CA9: variants seen among roughly 807,000 people sequenced by gnomAD.
CA9 encodes the protein CA-IX.
CA9 carries 43 observed loss-of-function variants against 51.8 expected under a neutral mutation model. The ratio of observed to expected loss-of-function variants is 0.83; its 90% CI spans 0.65 to 1.07. CA9 has a LOEUF of 1.07. Among genes scored for constraint, CA9 ranks in the 50% least tolerant of loss-of-function variants. CA9 has a pLI of 0.00. For missense variants in CA9, 574 were observed against 581.4 expected, an observed-to-expected ratio of 0.99 and a Z score of 0.13; for synonymous variants, 253 against 244.2, an observed-to-expected ratio of 1.04 and a Z score of -0.34.
In CA9 at chr9:35,678,946, C is replaced by T. The variant is rs139607180; in HGVS notation, c.908-239C>T. 1.6e-3 allele frequency among the ~76,000 whole-genome samples: 249 copies of T among 152,230 alleles called. 2 individuals carry two copies. Among genetic ancestry groups the T allele is most frequent in the African/African-American group, 5.7e-3 (236 of 41,542 alleles). ...CTCTTCCTTCCTCCCTTCCCTCCCA[C>T]CTTCCCTTCTCTCCTTCCTTTCTTT... On this transcript the variant is annotated intron_variant, in intron 6 of 10. Transcript: ENST00000378357.
intron 9 of CA9, 37 bp downstream of exon 9, chr9:35,680,176 G>A: frequency 6.2e-7 from 1 of 1,613,782 alleles, no homozygotes; most frequent in African/African-American, 1.3e-5. Flanking sequence ...GATGCCAGGA[G>A]ACTCCTCAGC....
intron 10 of CA9, 44 bp from the exon 11 acceptor site, chr9:35,680,921 C>T (rs762139084): frequency 6.2e-7 from 1 of 1,612,398 alleles, no homozygotes; most frequent in South Asian, 1.1e-5. Context: ...TGAGCTGCTC[C>T]TGGGCCAGTT....
chr9:35,676,286 G>A lies in CA9; in HGVS notation c.748-11G>A, dbSNP rs377518301. The A allele has an allele frequency of 5.0e-6, 8 of 1,613,946 alleles. No individual in the cohort carries two copies. Among genetic ancestry groups the A allele is most frequent in the Admixed American group, 1.7e-5 (1 of 60,002 alleles). ...AGACGTGGCCCTCTCCTACCCTCGT[G>A]TCCTTTTCAGATCCACGTGGTTCAC... On this transcript the variant is annotated splice_polypyrimidine_tract_variant and intron_variant, in intron 4 of 10. Transcript: ENST00000378357.
intron 5 of CA9, 60 bp from the exon 6 acceptor site, chr9:35,677,730 C>A: frequency 7.4e-7 from 1 of 1,357,786 alleles, no homozygotes; most frequent in Non-Finnish European, 1.1e-6. Context: ...CTTCATGTTC[C>A]GGCCTTCAGC....
chr9:35,675,658 T>TGGCCCCC, intron 2 of CA9, 91 bp downstream of exon 2: 3 of 1,407,082 alleles, frequency 2.1e-6, no homozygotes, highest in Non-Finnish European at 3.0e-6. Flanking sequence ...GTCCCGGGCG[T>TGGCCCCC]CCCACCCGCC....
At chr9:35,679,108 TG>T (rs1824480357) in intron 6 of CA9, 76 bp from the exon 7 acceptor site, 3 of 1,518,698 alleles carry the variant, frequency 2.0e-6, no homozygotes, top group South Asian at 2.3e-5. Flanking sequence ...TTCTGGGAGG[TG>T]AAACTGTATC....
rs138926737 is a variant in CA9 at position 35,675,437 on chromosome 9, G to A, written c.404-101G>A. On this transcript the variant is annotated intron_variant, in intron 1 of 10. Coordinates refer to ENST00000378357, the MANE Select transcript of CA9 (RefSeq NM_001216.3). ...GGCCCGCTTAAGGCATTTGTTACCC[G>A]TAATGCTCCTGTAAGGCATCTGCGT... 3.0e-6 allele frequency: 4 copies of A among 1,344,462 alleles called. No individual in the cohort carries two copies. In the Admixed American group the frequency reaches 5.1e-5, roughly 17 times the overall value. 83.3% of individuals were successfully genotyped at this position (1,344,462 alleles called of 1,614,324 possible).
chr9:35,681,121 C>G lies in CA9; in HGVS notation c.*96C>G. 1 of 853,582 alleles carries G rather than the reference C, an allele frequency of 1.2e-6. No homozygotes were observed. The highest frequency in any genetic ancestry group is 1.7e-6 in the Non-Finnish European group (1 of 573,748). The allele number at this position is 853,582 out of a possible 1,614,324, so 52.9% of individuals were successfully genotyped here. ...TGCTCATTATGCCACTTCCTTTTAACTGCCAAGAAATTTTTTAAAATAAAT... is the reference window on the plus strand; with the variant it reads ...TGCTCATTATGCCACTTCCTTTTAAGTGCCAAGAAATTTTTTAAAATAAAT... On this transcript the variant is annotated 3_prime_UTR_variant, in exon 11 of 11. Transcript: ENST00000378357.
At chr9:35,675,713 G>A in intron 2 of CA9, 48 bp from the exon 3 acceptor site, 5 of 1,309,108 alleles carry the variant, frequency 3.8e-6, no homozygotes, top group Non-Finnish European at 5.1e-6. Flanking sequence ...GGTTCCCTAA[G>A]TTCCTGACCT....
At position 35,676,189 on chromosome 9, in the gene CA9, C is replaced by T; in HGVS notation, c.730C>T (p.His244Tyr). 1 of 1,611,832 alleles carries T rather than the reference C, an allele frequency of 6.2e-7. No homozygotes were observed. Residue 244 changes from histidine (H) to tyrosine (Y), a missense_variant, in exon 4 of 11, where the codon CAC (histidine) becomes TAC (tyrosine). His to Tyr is a moderately conservative substitution (Grantham distance 83). Coordinates refer to ENST00000378357, the MANE Select transcript of CA9 (RefSeq NM_001216.3). ...GGGCTCGGAGCACACTGTGGAAGGC[C>T]ACCGTTTCCCTGCCGAGGTGAGCGC... ...RPGSEHTVEGHRFPAEIHVVH... is the reference protein window; with the variant it reads ...RPGSEHTVEGYRFPAEIHVVH...
At chr9:35,679,140 G>A (rs1340075796) in intron 6 of CA9, 45 bp from the exon 7 acceptor site, 10 of 1,607,342 alleles carry the variant, frequency 6.2e-6, no homozygotes, top group Non-Finnish European at 6.8e-6. Flanking sequence ...GAAGCTTTAA[G>A]GGGGTGCAAT....
rs1423428636 is a variant in CA9, at chr9:35,676,149, G to A, written c.690G>A (p.Gly230=). 3 of 1,613,092 alleles carry A rather than the reference G, an allele frequency of 1.9e-6. No homozygotes were observed. The highest frequency in any genetic ancestry group is 1.6e-4 in the Middle Eastern group (1 of 6,072). ...CTCTGCAGCTGCATCTGCACTGGGG[G>A]GCTGCAGGTCGTCCGGGCTCGGAGC... ...YRALQLHLHW[G]AAGRPGSEHT... The change falls in exon 4 of 11, where the codon GGG becomes GGA. Residue 230 remains glycine, a synonymous_variant. Coordinates refer to ENST00000378357, the MANE Select transcript of CA9 (RefSeq NM_001216.3).
chr9:35,681,157 A>T lies in CA9; in HGVS notation c.*132A>T, dbSNP rs1387151015. On this transcript the variant is annotated 3_prime_UTR_variant, in exon 11 of 11. Transcript: ENST00000378357. ...TTTTTTAAAATAAATATTTATAATAAAATATGTGTTAGTCACCTTTGTTCC... is the reference window on the plus strand; with the variant it reads ...TTTTTTAAAATAAATATTTATAATATAATATGTGTTAGTCACCTTTGTTCC... 9.3e-6 allele frequency: 5 copies of T among 537,828 alleles called. No individual in the cohort carries two copies. The highest frequency in any genetic ancestry group is 1.6e-5 in the Non-Finnish European group (5 of 322,364). 33.3% of individuals were successfully genotyped at this position (537,828 alleles called of 1,614,324 possible).
chr9:35,677,675 A>G (rs573442405), intron 5 of CA9, 115 bp from the exon 6 acceptor site: 225 of 778,966 alleles, frequency 2.9e-4, no homozygotes, highest in Middle Eastern at 5.5e-4. Flanking sequence ...ATGTTCCCTC[A>G]GCATTCTCAG....
rs1233717073 is a variant in CA9, at chr9:35,674,277, C to A, written c.318C>A (p.Gly106=). ...PEVKPKSEEE[G]SLKLEDLPTV... Reference sequence around the variant, plus strand: ...TTAAGCCTAAATCAGAAGAAGAGGGCTCCCTGAAGTTAGAGGATCTACCTA... The same window carrying A: ...TTAAGCCTAAATCAGAAGAAGAGGGATCCCTGAAGTTAGAGGATCTACCTA... Residue 106 remains glycine (G), a synonymous_variant, in exon 1 of 11, where the codon GGC becomes GGA. Coordinates refer to ENST00000378357, the MANE Select transcript of CA9 (RefSeq NM_001216.3). 1.2e-6 allele frequency: 2 copies of A among 1,614,092 alleles called. No individual in the cohort carries two copies. Among genetic ancestry groups the A allele is most frequent in the Non-Finnish European group, 1.7e-6 (2 of 1,179,984 alleles).
intron 6 of CA9, 100 bp from the exon 7 acceptor site, chr9:35,679,085 G>C (rs1824480030): frequency 7.7e-7 from 1 of 1,297,362 alleles, no homozygotes; most frequent in Non-Finnish European, 1.1e-6. Context: ...TCTCAGAGTT[G>C]AGTTACCTTG....
At chr9:35,675,588 A>G (rs1015830518) in intron 2 of CA9, 21 bp downstream of exon 2, 1 of 1,613,722 alleles carries the variant, frequency 6.2e-7, no homozygotes, top group African/African-American at 1.3e-5. Context: ...CACCCGCTGC[A>G]CAGACCCAAT....
chr9:35,677,044 A>G (rs1197315918), intron 5 of CA9, among the ~76,000 whole-genome samples: 1 of 151,876 alleles, frequency 6.6e-6, no homozygotes, highest in Non-Finnish European at 1.5e-5. Flanking sequence ...TTTAGTAGAC[A>G]GGGTTTCACC....
At chr9:35,677,205 C>T (rs1296689321) in intron 5 of CA9, among the ~76,000 whole-genome samples, 1 of 152,058 alleles carries the variant, frequency 6.6e-6, no homozygotes, top group East Asian at 1.9e-4. Flanking sequence ...CAGAGAAATG[C>T]CTCCATCATA....
Sources: allele counts gnomAD v4.1 joint callset (sites outside exome capture counted in the v4.1 genomes callset), GRCh38; gene constraint gnomAD v4.1.1; transcripts MANE v1.5; gene names NCBI Gene and HGNC (gene_info 2026-07-23, HGNC 2026-07-21).